Variants in CSMD1 observed in about 807,000 individuals in gnomAD.
CSMD1 encodes the protein CUB and sushi domain-containing protein 1.
CSMD1 carries 213 observed loss-of-function variants against 417.5 expected under a neutral mutation model. The observed-to-expected ratio is 0.51, with a 90% CI of 0.46 to 0.57. The LOEUF (loss-of-function observed/expected upper bound fraction) is 0.57. Among genes scored for constraint, CSMD1 ranks in the 20% least tolerant of loss-of-function variants. The pLI, the probability that CSMD1 is intolerant of heterozygous loss-of-function variation, is 0.00. For missense variants in CSMD1, 6,923 were observed against 4,529.7 expected (o/e 1.53, Z -15.17); for synonymous variants, 2,862 against 1,736.8 (o/e 1.65, Z -16.11).
At chr8:3,087,855 G>C (rs1319662441) in intron 48 of CSMD1, among the ~76,000 whole-genome samples, 2 of 152,088 alleles carry the variant, frequency 1.3e-5, no homozygotes, top group East Asian at 1.9e-4. Flanking sequence ...AAAGTGATAG[G>C]GTACTGCACA....
At chr8:3,687,965 T>A (rs76443892) in intron 7 of CSMD1, among the ~76,000 whole-genome samples, 1,532 of 152,300 alleles carry the variant, frequency 0.01, 30 homozygotes, top group African/African-American at 0.035. Context: ...TTTTCCATCA[T>A]CATATTTGCT....
intron 52 of CSMD1, among the ~76,000 whole-genome samples, chr8:3,006,033 AG>A (rs1226145137): frequency 6.6e-6 from 1 of 152,118 alleles, no homozygotes; most frequent in African/African-American, 2.4e-5. Flanking sequence ...CCATTGTCTC[AG>A]CCCAAAATCT....
intron 2 of CSMD1, among the ~76,000 whole-genome samples, chr8:4,594,052 G>C (rs1321931378): frequency 2.0e-5 from 3 of 151,940 alleles, no homozygotes; most frequent in East Asian, 3.9e-4. Context: ...AGAATCATCA[G>C]TCTCCTCCAT....
chr8:4,257,197 T>C (rs1052815744), intron 3 of CSMD1, among the ~76,000 whole-genome samples: 5 of 4,026 alleles, frequency 1.2e-3, no homozygotes, highest in Admixed American at 7.7e-3. Context: ...ACTACATTTT[T>C]AAGCATGAGA....
At chr8:3,898,431 G>C (rs1187419534) in intron 5 of CSMD1, among the ~76,000 whole-genome samples, 1 of 152,190 alleles carries the variant, frequency 6.6e-6, no homozygotes, top group African/African-American at 2.4e-5. Flanking sequence ...TAAAGTTTGT[G>C]TGACATGTCA....
intron 54 of CSMD1, among the ~76,000 whole-genome samples, chr8:2,979,678 G>A (rs907822358): frequency 4.6e-5 from 7 of 152,166 alleles, no homozygotes; most frequent in South Asian, 2.1e-4. Context: ...CAAACTGTGC[G>A]TTTTATTTCT....
intron 1 of CSMD1, among the ~76,000 whole-genome samples, chr8:4,907,368 G>A (rs1363540903): frequency 6.6e-6 from 1 of 152,140 alleles, no homozygotes; most frequent in African/African-American, 2.4e-5. Context: ...GCTCCTAAAT[G>A]AGAAGGTCCC....
chr8:4,464,874 T>C lies in CSMD1; in HGVS notation c.303-44809A>G, dbSNP rs192207762. On this transcript the variant is annotated intron_variant, in intron 2 of 69. Transcript: ENST00000635120. Reference sequence around the variant, plus strand: ...TACCCTGCTGTGTTAGTTTTATTAGTTTTTTATTAGTTTTTATTAGTTTTA... The same window carrying C: ...TACCCTGCTGTGTTAGTTTTATTAGCTTTTTATTAGTTTTTATTAGTTTTA... Among the ~76,000 whole-genome samples, 9 of 152,194 alleles carry C rather than the reference T, an allele frequency of 5.9e-5. No homozygotes were observed. The East Asian group carries it at 1.7e-3, about 29-fold the overall frequency.
chr8:4,978,061 C>G (rs897768584), intron 1 of CSMD1, among the ~76,000 whole-genome samples: 26 of 152,176 alleles, frequency 1.7e-4, no homozygotes, highest in African/African-American at 6.3e-4. Flanking sequence ...ACTCAGCATA[C>G]CTGACTTTGA....
chr8:4,009,809 C>A (rs1487188512), intron 4 of CSMD1, among the ~76,000 whole-genome samples: 4 of 152,108 alleles, frequency 2.6e-5, no homozygotes, highest in Non-Finnish European at 4.4e-5. Context: ...CATCCCCCTC[C>A]CTCCTGTTCT....
intron 1 of CSMD1, among the ~76,000 whole-genome samples, chr8:4,672,995 T>A (rs748330248): frequency 6.6e-6 from 1 of 150,896 alleles, no homozygotes; most frequent in Non-Finnish European, 1.5e-5. Context: ...CATACACATA[T>A]GCATGCATAC....
chr8:4,095,202 G>C (rs1341971373), intron 3 of CSMD1, among the ~76,000 whole-genome samples: 1 of 152,156 alleles, frequency 6.6e-6, no homozygotes, highest in Non-Finnish European at 1.5e-5. Flanking sequence ...AACTGGTTTG[G>C]TTACAACGTA....
At chr8:3,480,983 T>C (rs1389788237) in intron 11 of CSMD1, among the ~76,000 whole-genome samples, 1 of 151,548 alleles carries the variant, frequency 6.6e-6, no homozygotes, top group Admixed American at 6.6e-5. Context: ...AGTGAAACCC[T>C]GTCTGAACTA....
chr8:3,954,655 C>G (rs888162671), intron 5 of CSMD1, among the ~76,000 whole-genome samples: 1 of 152,238 alleles, frequency 6.6e-6, no homozygotes, highest in Non-Finnish European at 1.5e-5. Flanking sequence ...AGCCACCGCA[C>G]CTGGCCGGAT....
At chr8:4,980,921 T>A (rs1810854883) in intron 1 of CSMD1, among the ~76,000 whole-genome samples, 1 of 152,100 alleles carries the variant, frequency 6.6e-6, no homozygotes, top group Non-Finnish European at 1.5e-5. Context: ...AAAAACTTAT[T>A]ATCTATCTGT....
intron 26 of CSMD1, among the ~76,000 whole-genome samples, chr8:3,232,178 T>A (rs1252220194): frequency 6.6e-6 from 1 of 152,208 alleles, no homozygotes; most frequent in Non-Finnish European, 1.5e-5. Context: ...CTGAATTTTA[T>A]GTTTATCATT....
At chr8:3,822,844 A>G (rs1412426743) in intron 5 of CSMD1, among the ~76,000 whole-genome samples, 1 of 152,104 alleles carries the variant, frequency 6.6e-6, no homozygotes, top group East Asian at 1.9e-4. Flanking sequence ...ACATAAAATG[A>G]GCTATGCATG....
At chr8:4,105,324 G>T (rs555879265) in intron 3 of CSMD1, among the ~76,000 whole-genome samples, 49 of 140,200 alleles carry the variant, frequency 3.5e-4, no homozygotes, top group African/African-American at 1.2e-3. Flanking sequence ...TCTTAATCTT[G>T]TAACACTTCT....
At chr8:4,026,585 A>C (rs992541882) in intron 4 of CSMD1, among the ~76,000 whole-genome samples, 1 of 152,238 alleles carries the variant, frequency 6.6e-6, no homozygotes, top group Non-Finnish European at 1.5e-5. Context: ...GTCACAAGGA[A>C]CTAAGGACAC....
Sources: gnomAD v4.1 joint callset for allele counts (sites outside exome capture counted in the v4.1 genomes callset) on GRCh38, gnomAD v4.1.1 for gene constraint, MANE v1.5 for transcripts, NCBI Gene and HGNC (gene_info 2026-07-23, HGNC 2026-07-21) for gene names.